The following NLGN4Y variants were observed in gnomAD, a reference collection of about 807,000 sequenced individuals.
NLGN4Y encodes neuroligin 4 Y-linked.
Under a neutral mutation model 8.4 loss-of-function variants are expected in NLGN4Y, and 4 were observed. The observed-to-expected ratio is 0.48, with a 90% confidence interval of 0.23 to 1.09. The LOEUF (loss-of-function observed/expected upper bound fraction) is 1.09, where lower values mean the gene tolerates loss of function less well. NLGN4Y is among the 50% of genes least tolerant of loss of function. The pLI is 0.19. For synonymous variants in NLGN4Y, 35 were observed against 75.6 expected (o/e 0.46, Z 2.78); for missense variants, 90 against 192.3 (o/e 0.47, Z 3.15).
intron 4 of NLGN4Y, among the ~76,000 whole-genome samples, chrY:14,765,607 C>G (rs760261579): frequency 3.0e-5 from 1 of 33,586 alleles, no homozygotes; most frequent in Non-Finnish European, 7.4e-5. Flanking sequence ...CTCCTACATG[C>G]AGTAGAAACA....
intron 1 of NLGN4Y, among the ~76,000 whole-genome samples, chrY:14,613,912 C>A: frequency 3.0e-5 from 1 of 33,607 alleles, no homozygotes; most frequent in African/African-American, 1.2e-4. Flanking sequence ...GTTCATGTGT[C>A]TTTATAGGAG....
chrY:14,557,602 G>T lies in NLGN4Y; in HGVS notation c.-112+32894G>T, dbSNP rs373547509. Among the ~76,000 whole-genome samples the T allele has an allele frequency of 5.4e-4, 18 of 33,255 alleles. No individual in the cohort carries two copies. The East Asian group carries it at 0.014, about 26-fold the overall frequency. The allele number at this position is 33,255 out of a possible 37,273, so 89.2% of individuals were successfully genotyped here. On this transcript the variant is annotated intron_variant, in intron 1 of 6. Coordinates refer to ENST00000684976, the MANE Select transcript of NLGN4Y (RefSeq NM_001365588.1). ...TCTGTTGAGGTGTGGTGTCATCTTG[G>T]TTTTTTTCTGCAGTCGATAAGGATA...
At position 14,827,430 on chromosome Y, in the gene NLGN4Y, G is replaced by T; in HGVS notation, c.872-2300G>T. Among the ~76,000 whole-genome samples the T allele has an allele frequency of 2.1e-4, 7 of 33,313 alleles. No homozygotes were observed. The East Asian group carries it at 5.5e-3, about 26-fold the overall frequency. The allele number at this position is 33,313 out of a possible 37,273, so 89.4% of individuals were successfully genotyped here. On this transcript the variant is annotated intron_variant, in intron 5 of 6. Transcript: ENST00000684976. Reference sequence around the variant, plus strand: ...TTATTTGCTGCAAAAATACCTTTTTGTTGGTCATTTATGCAAGGCAGTGCT... The same window carrying T: ...TTATTTGCTGCAAAAATACCTTTTTTTTGGTCATTTATGCAAGGCAGTGCT...
chrY:14,752,057 T>C (rs2081043652), intron 4 of NLGN4Y, among the ~76,000 whole-genome samples: 4 of 33,524 alleles, frequency 1.2e-4, no homozygotes, highest in African/African-American at 4.7e-4. Flanking sequence ...CTCCTAGATA[T>C]GAAGATTTCC....
chrY:14,595,740 G>A (rs2080394035), intron 1 of NLGN4Y, among the ~76,000 whole-genome samples: 1 of 33,092 alleles, frequency 3.0e-5, no homozygotes, highest in Non-Finnish European at 7.4e-5. Flanking sequence ...TTCTCTCCCT[G>A]TCCAAGAACC....
chrY:14,755,767 G>A (rs947692497), intron 4 of NLGN4Y, among the ~76,000 whole-genome samples: 3 of 33,821 alleles, frequency 8.9e-5, no homozygotes, highest in Non-Finnish European at 1.5e-4. Context: ...TTGAGCCCAT[G>A]AGATTGAGGT....
chrY:14,656,112 A>G (rs2080650231), intron 2 of NLGN4Y, among the ~76,000 whole-genome samples: 1 of 33,731 alleles, frequency 3.0e-5, no homozygotes, highest in South Asian at 6.6e-4. Flanking sequence ...AGTAAATTTC[A>G]TAAATATAAA....
intron 1 of NLGN4Y, among the ~76,000 whole-genome samples, chrY:14,575,491 AT>A (rs2080294271): frequency 6.7e-5 from 2 of 29,826 alleles, no homozygotes; most frequent in Non-Finnish European, 1.6e-4. Context: ...CCATTCGTCT[AT>A]TTTTTTTTCA....
At chrY:14,689,345 G>C (rs1303110180) in intron 2 of NLGN4Y, among the ~76,000 whole-genome samples, 1 of 33,085 alleles carries the variant, frequency 3.0e-5, no homozygotes. Context: ...TCTAAACTGA[G>C]TTAGTGTAAT....
chrY:14,707,099 A>G (rs2080883669), intron 2 of NLGN4Y, among the ~76,000 whole-genome samples: 1 of 10,713 alleles, frequency 9.3e-5, no homozygotes, highest in African/African-American at 3.5e-4. Flanking sequence ...GTGTATATAT[A>G]TATATATATA....
chrY:14,707,496 C>T, intron 2 of NLGN4Y, among the ~76,000 whole-genome samples: 2 of 31,496 alleles, frequency 6.4e-5, no homozygotes, highest in African/African-American at 2.5e-4. Flanking sequence ...TTTCAAGAAA[C>T]ATCTTAGGGC....
chrY:14,638,911 C>T (rs919028867), intron 2 of NLGN4Y, among the ~76,000 whole-genome samples: 1 of 33,787 alleles, frequency 3.0e-5, no homozygotes, highest in Non-Finnish European at 7.3e-5. Flanking sequence ...GATATCTTAA[C>T]ATCTGGTTCC....
chrY:14,837,457 A>G, intron 6 of NLGN4Y, among the ~76,000 whole-genome samples: 3 of 33,795 alleles, frequency 8.9e-5, no homozygotes, highest in African/African-American at 3.5e-4. Flanking sequence ...GCTAGGGGAT[A>G]AGGAGGAAGA....
chrY:14,605,064 T>C, intron 1 of NLGN4Y, among the ~76,000 whole-genome samples: 1 of 32,657 alleles, frequency 3.1e-5, no homozygotes, highest in African/African-American at 1.2e-4. Context: ...TCTCTGGGTG[T>C]ATTGGATGGT....
chrY:14,681,267 G>A, intron 2 of NLGN4Y, among the ~76,000 whole-genome samples: 1 of 33,530 alleles, frequency 3.0e-5, no homozygotes, highest in African/African-American at 1.2e-4. Flanking sequence ...AATCATGGCA[G>A]AAGGTGAAAG....
intron 1 of NLGN4Y, among the ~76,000 whole-genome samples, chrY:14,576,035 CA>C (rs2080297044): frequency 3.0e-5 from 1 of 33,669 alleles, no homozygotes; most frequent in Non-Finnish European, 7.4e-5. Flanking sequence ...ACTCGGGGGT[CA>C]GGGACCTACT....
chrY:14,740,161 C>T (rs754415852), intron 4 of NLGN4Y, among the ~76,000 whole-genome samples: 1 of 33,122 alleles, frequency 3.0e-5, no homozygotes, highest in South Asian at 6.8e-4. Context: ...AGAAAAGAGG[C>T]GTTGTGTAAC....
intron 6 of NLGN4Y, among the ~76,000 whole-genome samples, chrY:14,834,807 A>G (rs766590144): frequency 1.9e-3 from 64 of 34,245 alleles, no homozygotes; most frequent in South Asian, 6.6e-3. Context: ...CATGGGATGT[A>G]TCTCATCTGC....
intron 1 of NLGN4Y, among the ~76,000 whole-genome samples, chrY:14,566,797 C>A: frequency 3.2e-5 from 1 of 31,623 alleles, no homozygotes. Flanking sequence ...CAAATGCTCT[C>A]CATCCCAAAT....
Sources: gnomAD v4.1 joint callset for allele counts (sites outside exome capture counted in the v4.1 genomes callset) on GRCh38, gnomAD v4.1.1 for gene constraint, MANE v1.5 for transcripts, NCBI Gene and HGNC (gene_info 2026-07-23, HGNC 2026-07-21) for gene names.